The following ARL15 variants were observed in gnomAD, a reference collection of about 807,000 sequenced individuals.
The protein encoded by ARL15 is ADP-ribosylation factor-like protein 15.
In ARL15, 19 loss-of-function variants were observed where a neutral mutation model predicts 25.2. The ratio of observed to expected loss-of-function variants is 0.75; its 90% CI spans 0.53 to 1.10. The LOEUF is 1.10. Among genes scored for constraint, ARL15 ranks in the 50% least tolerant of loss-of-function variants. The pLI, the probability that ARL15 is intolerant of heterozygous loss-of-function variation, is 0.00. For synonymous variants in ARL15, 94 were observed against 86.8 expected (o/e 1.08, Z -0.46); for missense variants, 220 against 246.0 (o/e 0.89, Z 0.71).
rs1274926664 is a variant in ARL15 at position 53,884,330 on chromosome 5, A to C, written c.*2231T>G. ...TGGCACTTTACATGAAAGTAGGAAA[A>C]GGGACTTACACTCCCACCCCCAGCC... On this transcript the variant is annotated 3_prime_UTR_variant, in exon 5 of 5. Coordinates refer to ENST00000504924, the MANE Select transcript of ARL15 (RefSeq NM_019087.3). The C allele has an allele frequency of 6.6e-6, 1 of 151,874 alleles. No individual in the cohort carries two copies. Among genetic ancestry groups the C allele is most frequent in the African/African-American group, 2.4e-5 (1 of 41,342 alleles). 9.4% of individuals were successfully genotyped at this position (151,874 alleles called of 1,614,324 possible). A position where few individuals can be genotyped will look rare whatever the true frequency, so the allele number is the denominator to read the frequency against.
intron 1 of ARL15, among the ~76,000 whole-genome samples, chr5:54,228,752 A>G (rs1756592228): frequency 6.6e-6 from 1 of 152,224 alleles, no homozygotes; most frequent in South Asian, 2.1e-4. Flanking sequence ...TTCAGGAATC[A>G]GGAAGAAAAC....
At chr5:53,887,841 C>T (rs373390575) in intron 4 of ARL15, among the ~76,000 whole-genome samples, 80 of 152,216 alleles carry the variant, frequency 5.3e-4, no homozygotes, top group South Asian at 2.5e-3. Flanking sequence ...TGCTCAAATA[C>T]GGTTTTATTT....
chr5:54,109,966 G>T (rs1380582217), intron 4 of ARL15, among the ~76,000 whole-genome samples: 2 of 151,802 alleles, frequency 1.3e-5, no homozygotes, highest in South Asian at 2.1e-4. Flanking sequence ...AAAAATACAT[G>T]TTTTCACTAT....
chr5:54,279,434 A>C (rs1457995045), intron 1 of ARL15, among the ~76,000 whole-genome samples: 1 of 152,080 alleles, frequency 6.6e-6, no homozygotes, highest in Non-Finnish European at 1.5e-5. Flanking sequence ...CCACCTTCTT[A>C]TGTCCTCACA....
At chr5:53,972,432 T>C (rs564192513) in intron 4 of ARL15, among the ~76,000 whole-genome samples, 3 of 152,328 alleles carry the variant, frequency 2.0e-5, no homozygotes, top group African/African-American at 4.8e-5. Flanking sequence ...ACTTGGTTTT[T>C]AAAATTCAAG....
Position 54,113,386 on chromosome 5 carries a change from C to T in ARL15, c.278G>A (p.Trp93Ter), listed in dbSNP as rs1372209748. 4.3e-6 allele frequency: 7 copies of T among 1,613,738 alleles called. No individual in the cohort carries two copies. The highest frequency in any genetic ancestry group is 5.9e-6 in the Non-Finnish European group (7 of 1,179,836). The change falls in exon 4 of 5, where the codon TGG (tryptophan) becomes TAG (stop). Residue 93 changes from tryptophan to a stop codon, truncating the protein, a stop_gained. Coordinates refer to ENST00000504924, the MANE Select transcript of ARL15 (RefSeq NM_019087.3). LOFTEE classifies it high-confidence loss of function. ...TTGAGATCCTTGGTAGTAGCGGCTCCAGTATTTCCGGATGTTATCAGCCCC... is the reference window on the plus strand; with the variant it reads ...TTGAGATCCTTGGTAGTAGCGGCTCTAGTATTTCCGGATGTTATCAGCCCC... ...LGGADNIRKY[W>*]SRYYQGSQGV...
At chr5:53,899,347 CAAAAAAAAAAAAAAAAAAAAAAA>C (rs59145507) in intron 4 of ARL15, among the ~76,000 whole-genome samples, 15,088 of 89,512 alleles carry the variant, frequency 0.17, 1,184 homozygotes, top group South Asian at 0.26. Context: ...GACTCTATCC[CAAAAAAAAAAAAAAAAAAAAAAA>C]AAAAAAAAAA....
chr5:53,965,627 T>TG (rs1369573107), intron 4 of ARL15, among the ~76,000 whole-genome samples: 2 of 151,754 alleles, frequency 1.3e-5, no homozygotes, highest in Non-Finnish European at 2.9e-5. Flanking sequence ...TGTTTTTCTT[T>TG]TTTTTTTTTT....
At chr5:54,015,247 G>A (rs552684404) in intron 4 of ARL15, among the ~76,000 whole-genome samples, 63 of 149,892 alleles carry the variant, frequency 4.2e-4, no homozygotes, top group Non-Finnish European at 8.1e-4. Context: ...AGCCAAGATC[G>A]CACCACTGCA....
At chr5:53,926,109 A>G (rs187068754) in intron 4 of ARL15, among the ~76,000 whole-genome samples, 16 of 152,086 alleles carry the variant, frequency 1.1e-4, no homozygotes, top group South Asian at 2.1e-4. Flanking sequence ...TCAGGCAAAC[A>G]GAAACCACTC....
chr5:53,961,145 C>T (rs1290972356), intron 4 of ARL15, among the ~76,000 whole-genome samples: 2 of 152,128 alleles, frequency 1.3e-5, no homozygotes, highest in East Asian at 1.9e-4. Flanking sequence ...TTTTTTAAAT[C>T]GCTGTTTAGA....
chr5:54,266,268 G>A (rs1757621727), intron 1 of ARL15, among the ~76,000 whole-genome samples: 1 of 152,192 alleles, frequency 6.6e-6, no homozygotes, highest in Non-Finnish European at 1.5e-5. Context: ...TTGGAAATGA[G>A]AGCAGACCTC....
intron 4 of ARL15, among the ~76,000 whole-genome samples, chr5:54,070,761 CATG>C (rs1445384450): frequency 6.6e-6 from 1 of 151,920 alleles, no homozygotes; most frequent in Non-Finnish European, 1.5e-5. Context: ...ACGAGAATCA[CATG>C]AACCCAGGAG....
intron 4 of ARL15, among the ~76,000 whole-genome samples, chr5:54,071,958 C>T (rs377678078): frequency 1.5e-5 from 2 of 133,920 alleles, no homozygotes; most frequent in Non-Finnish European, 3.1e-5. Context: ...GGTGACAGAG[C>T]GAGACTCCGT....
chr5:54,166,520 T>G (rs145086390), intron 2 of ARL15, among the ~76,000 whole-genome samples: 34 of 152,184 alleles, frequency 2.2e-4, no homozygotes, highest in African/African-American at 8.0e-4. Flanking sequence ...TTCCTTTTGT[T>G]TGGGGTTCAG....
intron 1 of ARL15, among the ~76,000 whole-genome samples, chr5:54,295,077 T>A (rs962966391): frequency 3.9e-5 from 6 of 152,374 alleles, no homozygotes; most frequent in South Asian, 4.1e-4. Context: ...CTTTTCAACT[T>A]TTTAAGCAAC....
chr5:54,031,469 A>G (rs1249627987), intron 4 of ARL15, among the ~76,000 whole-genome samples: 1 of 152,006 alleles, frequency 6.6e-6, no homozygotes. Context: ...AATACATGGC[A>G]CTTATGAGAA....
intron 1 of ARL15, among the ~76,000 whole-genome samples, chr5:54,266,383 G>A (rs1167980787): frequency 6.6e-6 from 1 of 152,170 alleles, no homozygotes; most frequent in African/African-American, 2.4e-5. Flanking sequence ...CAGATGTGTA[G>A]AGAAAAATCA....
intron 2 of ARL15, among the ~76,000 whole-genome samples, chr5:54,156,332 G>A (rs201295722): frequency 2.6e-5 from 4 of 152,288 alleles, no homozygotes; most frequent in East Asian, 3.9e-4. Flanking sequence ...AGCCTTGCTC[G>A]ACTTTCTCAT....
Sources: gnomAD v4.1 joint callset for allele counts (sites outside exome capture counted in the v4.1 genomes callset) on GRCh38, gnomAD v4.1.1 for gene constraint, MANE v1.5 for transcripts, NCBI Gene and HGNC (gene_info 2026-07-23, HGNC 2026-07-21) for gene names.